LINGO2: variants seen among roughly 807,000 people sequenced by gnomAD.
The protein encoded by LINGO2 is leucine rich repeat and Ig domain containing 2.
In LINGO2, 14 loss-of-function variants were observed where a neutral mutation model predicts 30.6. The observed-to-expected ratio is 0.46, with a 90% confidence interval of 0.30 to 0.72. The LOEUF is 0.72. Ranked by LOEUF, LINGO2 falls within the 30% of genes least tolerant of loss-of-function variation. The probability of loss-of-function intolerance (pLI) is 0.07; values close to 1 mark genes in which losing one functional copy is unlikely to be tolerated. For missense variants in LINGO2, 729 were observed against 751.7 expected (o/e 0.97, Z 0.35); for synonymous variants, 317 against 288.5 (o/e 1.10, Z -1.00).
chr9:28,498,048 T>G (rs1483337063), intron 1 of LINGO2, among the ~76,000 whole-genome samples: 2 of 152,138 alleles, frequency 1.3e-5, no homozygotes. Flanking sequence ...CCTGGCCATG[T>G]GAGGTGTCAG....
upstream of LINGO2, among the ~76,000 whole-genome samples, chr9:28,674,679 A>T (rs894965626): frequency 1.8e-4 from 28 of 152,200 alleles, no homozygotes; most frequent in African/African-American, 6.5e-4. Flanking sequence ...TGAATCCTCT[A>T]ATTTATTTAA....
chr9:28,166,234 C>T (rs551772264), intron 4 of LINGO2, among the ~76,000 whole-genome samples: 1 of 152,126 alleles, frequency 6.6e-6, no homozygotes, highest in Non-Finnish European at 1.5e-5. Flanking sequence ...TACAAGAACA[C>T]CTAATCCAAA....
chr9:27,937,945 A>T, the LINGO2 span: 4 of 152,202 alleles, frequency 2.6e-5, no homozygotes, highest in African/African-American at 4.8e-5. Context: ...AGAAAAGGGG[A>T]TGTATGTTAA....
At chr9:28,274,298 A>G (rs1823041739) in intron 4 of LINGO2, among the ~76,000 whole-genome samples, 1 of 152,166 alleles carries the variant, frequency 6.6e-6, no homozygotes, top group African/African-American at 2.4e-5. Flanking sequence ...CATTTCTGAT[A>G]GTAATTTTAA....
chr9:28,398,036 G>A (rs925098605), intron 2 of LINGO2, among the ~76,000 whole-genome samples: 1 of 152,142 alleles, frequency 6.6e-6, no homozygotes, highest in Non-Finnish European at 1.5e-5. Flanking sequence ...GAAAATTATT[G>A]TTGGAGTTAA....
the LINGO2 span, among the ~76,000 whole-genome samples, chr9:29,063,406 CTT>C: frequency 2.4e-4 from 34 of 142,648 alleles, no homozygotes; most frequent in African/African-American, 3.1e-4. Flanking sequence ...CTATTTACAC[CTT>C]TTTTTTTTTT....
At chr9:28,341,401 T>TA (rs1271381686) in intron 3 of LINGO2, among the ~76,000 whole-genome samples, 1 of 152,082 alleles carries the variant, frequency 6.6e-6, no homozygotes, top group African/African-American at 2.4e-5. Context: ...TTTTCATTGT[T>TA]ACAATAATAT....
the LINGO2 span, among the ~76,000 whole-genome samples, chr9:28,770,938 T>A: frequency 1.2e-4 from 19 of 152,300 alleles, no homozygotes; most frequent in South Asian, 3.7e-3. Flanking sequence ...CCTGGCTTAA[T>A]GGCAAAACTA....
the LINGO2 span, among the ~76,000 whole-genome samples, chr9:29,066,624 C>G: frequency 2.0e-5 from 3 of 151,746 alleles, no homozygotes; most frequent in African/African-American, 7.2e-5. Flanking sequence ...TGTAACAAAC[C>G]AAATGAATTT....
At position 28,365,840 on chromosome 9, in the gene LINGO2, T is replaced by A. The variant is rs190893065; in HGVS notation, c.-246+6996A>T. Among the ~76,000 whole-genome samples, 27 of 150,546 alleles carry A rather than the reference T, an allele frequency of 1.8e-4. No individual in the cohort carries two copies. In the East Asian group the frequency reaches 5.0e-3, roughly 28 times the overall value. On this transcript the variant is annotated intron_variant, in intron 3 of 5. Transcript: ENST00000379992. ...GGAAATGAATCCACTTTGAGACTAC[T>A]CTGGAGGCCTTAGAGGCAGAGGCAG...
the LINGO2 span, among the ~76,000 whole-genome samples, chr9:29,153,946 G>C: frequency 8.5e-5 from 13 of 152,108 alleles, no homozygotes; most frequent in Admixed American, 8.5e-4. Flanking sequence ...ATGAGATCCA[G>C]ATAGAAGTTC....
chr9:28,716,376 G>C, the LINGO2 span, among the ~76,000 whole-genome samples: 8 of 152,012 alleles, frequency 5.3e-5, no homozygotes, highest in African/African-American at 1.7e-4. Flanking sequence ...AGATAGGAAA[G>C]GGTCCAAAAT....
chr9:28,583,431 A>G (rs1225514652), intron 1 of LINGO2, among the ~76,000 whole-genome samples: 3 of 152,028 alleles, frequency 2.0e-5, no homozygotes, highest in Non-Finnish European at 2.9e-5. Flanking sequence ...GCCACAATGC[A>G]AGTTATCATA....
At chr9:28,908,157 AC>A in the LINGO2 span, among the ~76,000 whole-genome samples, 3 of 10,208 alleles carry the variant, frequency 2.9e-4, no homozygotes, top group African/African-American at 7.9e-4. Flanking sequence ...ACACACACAT[AC>A]ACACACACAC....
At chr9:28,645,586 A>G (rs1352132996) in intron 1 of LINGO2, among the ~76,000 whole-genome samples, 1 of 152,138 alleles carries the variant, frequency 6.6e-6, no homozygotes, top group Non-Finnish European at 1.5e-5. Flanking sequence ...CTCAGAGACC[A>G]AAAACCTCAT....
chr9:28,327,172 C>G (rs1036284743), intron 3 of LINGO2, among the ~76,000 whole-genome samples: 8 of 152,108 alleles, frequency 5.3e-5, no homozygotes, highest in African/African-American at 1.9e-4. Flanking sequence ...TCCCTAGACA[C>G]TCATTCTGCT....
intron 4 of LINGO2, among the ~76,000 whole-genome samples, chr9:28,093,647 T>C (rs1826162712): frequency 6.6e-6 from 1 of 152,004 alleles, no homozygotes; most frequent in African/African-American, 2.4e-5. Context: ...TCCTGGAAAA[T>C]GGCTTTTTAA....
At chr9:29,090,608 T>C in the LINGO2 span, among the ~76,000 whole-genome samples, 4 of 152,126 alleles carry the variant, frequency 2.6e-5, no homozygotes, top group Non-Finnish European at 4.4e-5. Context: ...TCTTAAAAAG[T>C]ATCATAAAGA....
chr9:28,721,541 C>T, the LINGO2 span, among the ~76,000 whole-genome samples: 2 of 152,098 alleles, frequency 1.3e-5, no homozygotes, highest in Non-Finnish European at 2.9e-5. Context: ...CCATCATTCT[C>T]AGAAAACTAA....
Sources: allele counts gnomAD v4.1 joint callset (sites outside exome capture counted in the v4.1 genomes callset), GRCh38; gene constraint gnomAD v4.1.1; transcripts MANE v1.5; gene names NCBI Gene and HGNC (gene_info 2026-07-23, HGNC 2026-07-21).